Variants in SPATA25 observed in about 807,000 individuals in gnomAD.
SPATA25 encodes the protein spermatogenesis-associated protein 25.
SPATA25 carries 16 observed loss-of-function variants against 16.0 expected under a neutral mutation model. The ratio of observed to expected loss-of-function variants is 1.00; its 90% CI spans 0.68 to 1.52. SPATA25 has a LOEUF of 1.52. Ranked by LOEUF, SPATA25 falls within the 40% of genes most tolerant of loss-of-function variation. The pLI, the probability that SPATA25 is intolerant of heterozygous loss-of-function variation, is 0.00. For synonymous variants in SPATA25, 115 were observed against 118.5 expected (o/e 0.97, Z 0.19); for missense variants, 285 against 289.2 (o/e 0.99, Z 0.11).
upstream of SPATA25, chr20:45,890,685 C>A (rs746492590): frequency 4.3e-6 from 7 of 1,613,716 alleles, no homozygotes; most frequent in Non-Finnish European, 5.9e-6. Context: ...TTGACCAGAT[C>A]GGGCAGAGAA....
At chr20:45,889,249 A>G (rs147976936), upstream of SPATA25, among the ~76,000 whole-genome samples, 505 of 152,332 alleles carry the variant, frequency 3.3e-3, 4 homozygotes, top group Non-Finnish European at 4.1e-3. Flanking sequence ...TACCAGGGCT[A>G]TAATGAATCA....
chr20:45,887,870 A>T (rs150423643), upstream of SPATA25, among the ~76,000 whole-genome samples: 143 of 152,308 alleles, frequency 9.4e-4, no homozygotes, highest in African/African-American at 3.2e-3. Flanking sequence ...GTGTCTGATG[A>T]CTGCCCACTA....
At chr20:45,890,320 C>A, upstream of SPATA25, 1 of 1,613,334 alleles carries the variant, frequency 6.2e-7, no homozygotes, top group Non-Finnish European at 8.5e-7. Flanking sequence ...CGTAGAGGGG[C>A]TGCGCAGCTG....
Position 45,886,504 on chromosome 20 carries a change from C to G in SPATA25, c.*13G>C, listed in dbSNP as rs1362997465. 7.1e-6 allele frequency: 11 copies of G among 1,552,348 alleles called. No homozygotes were observed. Among genetic ancestry groups the G allele is most frequent in the Admixed American group, 1.9e-5 (1 of 53,380 alleles). On this transcript the variant is annotated 3_prime_UTR_variant, in exon 2 of 2. Transcript: ENST00000372519. ...GAGAAACCACCCTACATATCTGGTG[C>G]TATTTCATCCATCTACAAGCAGGAG...
upstream of SPATA25, among the ~76,000 whole-genome samples, chr20:45,889,348 CTTTTCTTTCT>C (rs558805103): frequency 3.3e-3 from 489 of 148,744 alleles, 2 homozygotes; most frequent in African/African-American, 0.012. Flanking sequence ...ATGTTTCTTT[CTTTTCTTTCT>C]TTTTTTTTTT....
At chr20:45,887,641 C>T (rs539744752), upstream of SPATA25, 399 of 1,574,590 alleles carry the variant, frequency 2.5e-4, 4 homozygotes, top group South Asian at 4.1e-3. Context: ...GCCGCCTGTC[C>T]TCCCTTCTTC....
At chr20:45,887,470 A>G in intron 1 of SPATA25, 66 bp downstream of exon 1, 5 of 1,528,826 alleles carry the variant, frequency 3.3e-6, no homozygotes, top group Non-Finnish European at 4.5e-6. Flanking sequence ...ACCTCCCCAG[A>G]GCCAGAAAGC....
upstream of SPATA25, chr20:45,890,868 G>T: frequency 6.4e-7 from 1 of 1,569,718 alleles, no homozygotes; most frequent in Non-Finnish European, 8.6e-7. Flanking sequence ...CGTGTGGCCC[G>T]CGTCCCAGAG....
At chr20:45,890,476 C>A (rs1986721748), upstream of SPATA25, 3 of 1,599,808 alleles carry the variant, frequency 1.9e-6, no homozygotes, top group African/African-American at 4.0e-5. Flanking sequence ...AGAGCTGGTC[C>A]AAGAGATGGC....
rs1352159946 is a variant in SPATA25 at position 45,886,897 on chromosome 20, A to G, written c.304T>C (p.Leu102=). The change falls in exon 2 of 2, where the codon TTG becomes CTG. Residue 102 remains leucine, a synonymous_variant. Coordinates refer to ENST00000372519, the MANE Select transcript of SPATA25 (RefSeq NM_080608.4). Reference sequence around the variant, plus strand: ...CTGGAGTAGCCATTGTCCCAGCCCAAGCTCTCCAGCTGCCTCACATGCGGG... The same window carrying G: ...CTGGAGTAGCCATTGTCCCAGCCCAGGCTCTCCAGCTGCCTCACATGCGGG... The part of the protein sequence containing the change: ...KFPHVRQLES[L]GWDNGYSRSR... 6.2e-7 allele frequency: 1 copy of G among 1,614,156 alleles called. No homozygotes were observed. Among genetic ancestry groups the G allele is most frequent in the Admixed American group, 1.7e-5 (1 of 60,024 alleles).
upstream of SPATA25, among the ~76,000 whole-genome samples, chr20:45,889,608 CCTCTCT>C (rs199785991): frequency 8.5e-6 from 1 of 117,944 alleles, no homozygotes; most frequent in Non-Finnish European, 1.9e-5. Context: ...TCTCTCTCTT[CCTCTCT>C]CTCTCTCTTT....
At chr20:45,890,693 G>C, upstream of SPATA25, 1 of 1,613,796 alleles carries the variant, frequency 6.2e-7, no homozygotes, top group Non-Finnish European at 8.5e-7. Flanking sequence ...ATCGGGCAGA[G>C]AAAACTCGGG....
At chr20:45,890,644 C>A (rs1231246277), upstream of SPATA25, 1 of 1,613,170 alleles carries the variant, frequency 6.2e-7, no homozygotes, top group Admixed American at 1.7e-5. Flanking sequence ...TGTGGTGGCG[C>A]GTGATGGCGA....
At chr20:45,889,015 G>C (rs142709738), upstream of SPATA25, 649 of 873,518 alleles carry the variant, frequency 7.4e-4, 4 homozygotes, top group African/African-American at 9.5e-3. Context: ...CCTGCTTCAT[G>C]GGGCTGAGAG....
At chr20:45,887,683 C>T, upstream of SPATA25, 2 of 1,190,514 alleles carry the variant, frequency 1.7e-6, no homozygotes, top group Non-Finnish European at 2.4e-6. Context: ...ATAGACCCTC[C>T]CCTTCACACT....
rs748842948 is a variant in SPATA25, at chr20:45,886,573, C to G, written c.628G>C (p.Gly210Arg). ...WEQAHAHTASGKMPLVRSKRG... is the reference protein window; with the variant it reads ...WEQAHAHTASRKMPLVRSKRG... ...TTAGATCTCACTAGGGGCATCTTCC[C>G]AGAGGCTGTGTGGGCATGTGCCTGC... The change falls in exon 2 of 2, where the codon GGG (glycine) becomes CGG (arginine). Residue 210 changes from glycine to arginine, a missense_variant. Physicochemically the swap from Gly to Arg is moderately radical, Grantham distance 125 (BLOSUM62 -2). Coordinates refer to ENST00000372519, the MANE Select transcript of SPATA25 (RefSeq NM_080608.4). 9 of 1,610,554 alleles carry G rather than the reference C, an allele frequency of 5.6e-6. No individual in the cohort carries two copies. In the Admixed American group the frequency reaches 1.5e-4, roughly 27 times the overall value.
rs1370897817 is a variant in SPATA25 at position 45,887,107 on chromosome 20, TAC to T, written c.92_93del (p.Cys31Ter). Reference sequence around the variant, plus strand: ...GCCACCACCACTGGCTCTACAGGACTACAGAGGCCAAGGGACAAGCCTGGAGA... The same window carrying T: ...GCCACCACCACTGGCTCTACAGGACTAGAGGCCAAGGGACAAGCCTGGAGA... Reference protein sequence around the residue: ...AASPGLSLGLCSPVEPVVVAS... With the variant: ...AASPGLSLGLXSPVEPVVVAS... On this transcript the variant is annotated frameshift_variant, in exon 2 of 2. Transcript: ENST00000372519. LOFTEE classifies it high-confidence loss of function. The T allele has an allele frequency of 1.2e-6, 2 of 1,601,638 alleles. No homozygotes were observed. The highest frequency in any genetic ancestry group is 1.3e-5 in the African/African-American group (1 of 74,850).
upstream of SPATA25, chr20:45,890,381 A>G (rs142373830): frequency 2.4e-4 from 389 of 1,612,830 alleles, 1 homozygote; most frequent in African/African-American, 4.1e-3. Context: ...GATGATGTGC[A>G]TGTCGGCCGT....
At chr20:45,890,096 G>T, upstream of SPATA25, 2 of 779,994 alleles carry the variant, frequency 2.6e-6, no homozygotes, top group Non-Finnish European at 4.1e-6. Context: ...AGAGGCTTGT[G>T]CAAGATCACA....
Sources: gnomAD v4.1 joint callset for allele counts (sites outside exome capture counted in the v4.1 genomes callset) on GRCh38, gnomAD v4.1.1 for gene constraint, MANE v1.5 for transcripts, NCBI Gene and HGNC (gene_info 2026-07-23, HGNC 2026-07-21) for gene names.